COL25A1: variants seen among roughly 807,000 people sequenced by gnomAD.
COL25A1 encodes the protein collagen alpha-1(XXV) chain.
Under a neutral mutation model 128.4 loss-of-function variants are expected in COL25A1, and 103 were observed. The ratio of observed to expected loss-of-function variants is 0.80; its 90% CI spans 0.68 to 0.94. COL25A1 has a LOEUF of 0.94. COL25A1 is among the 40% of genes least tolerant of loss of function. COL25A1 has a pLI of 0.00. For missense variants in COL25A1, 745 were observed against 840.0 expected (o/e 0.89, Z 1.40); for synonymous variants, 279 against 277.2 (o/e 1.01, Z -0.06).
chr4:109,139,085 T>C (rs550497698), intron 3 of COL25A1, among the ~76,000 whole-genome samples: 20 of 152,332 alleles, frequency 1.3e-4, no homozygotes, highest in African/African-American at 4.6e-4. Flanking sequence ...ATGAGCTTTT[T>C]TTCATATGTC....
intron 3 of COL25A1, among the ~76,000 whole-genome samples, chr4:109,060,698 A>C (rs144426036): frequency 7.9e-5 from 12 of 152,034 alleles, no homozygotes; most frequent in Admixed American, 4.6e-4. Context: ...AAAAAAAAAA[A>C]AACAAAAAAA....
At chr4:108,842,280 A>G (rs1167756185) in intron 30 of COL25A1, among the ~76,000 whole-genome samples, 2 of 152,224 alleles carry the variant, frequency 1.3e-5, no homozygotes, top group African/African-American at 4.8e-5. Context: ...ATTATGTAGG[A>G]AAGCTAAGCA....
intron 3 of COL25A1, among the ~76,000 whole-genome samples, chr4:109,194,059 T>G (rs1775824547): frequency 1.3e-5 from 2 of 152,200 alleles, no homozygotes. Flanking sequence ...TTTTAAGCAC[T>G]AACATGAGCA....
In COL25A1 at chr4:109,048,179, T is replaced by C; in HGVS notation, c.413-4A>G. On this transcript the variant is annotated splice_polypyrimidine_tract_variant and splice_region_variant and intron_variant, in intron 4 of 37. Coordinates refer to ENST00000399132, the MANE Select transcript of COL25A1 (RefSeq NM_198721.4). The stretch of plus-strand genomic sequence containing the variant: ...GCAAACATACTTACAGGAGGACCTA[T>C]GGGGGGAGCAGGTGGAGAGAGAAGA... 4 of 1,612,274 alleles carry C rather than the reference T, an allele frequency of 2.5e-6. No homozygotes were observed. The highest frequency in any genetic ancestry group is 2.5e-6 in the Non-Finnish European group (3 of 1,178,562).
At chr4:109,105,692 C>T (rs1473114153) in intron 3 of COL25A1, among the ~76,000 whole-genome samples, 1 of 152,050 alleles carries the variant, frequency 6.6e-6, no homozygotes, top group Non-Finnish European at 1.5e-5. Context: ...ATGCCATTTT[C>T]CTGGTTTTAA....
Position 108,812,073 on chromosome 4 carries a change from G to A in COL25A1, c.*1854C>T, listed in dbSNP as rs1388389507. 2.6e-5 allele frequency: 4 copies of A among 152,160 alleles called. No individual in the cohort carries two copies. The highest frequency in any genetic ancestry group is 5.9e-5 in the Non-Finnish European group (4 of 68,010). The allele number at this position is 152,160 out of a possible 1,614,324, so 9.4% of individuals were successfully genotyped here. On this transcript the variant is annotated 3_prime_UTR_variant, in exon 38 of 38. Coordinates refer to ENST00000399132, the MANE Select transcript of COL25A1 (RefSeq NM_198721.4). ...GCTGAAAGGGTGCCTACTCCTCATTGATAATGTTTCTTTCAATGTAACACT... is the reference window on the plus strand; with the variant it reads ...GCTGAAAGGGTGCCTACTCCTCATTAATAATGTTTCTTTCAATGTAACACT...
At chr4:108,962,205 T>G (rs1174432057) in intron 8 of COL25A1, among the ~76,000 whole-genome samples, 1 of 151,460 alleles carries the variant, frequency 6.6e-6, no homozygotes, top group East Asian at 2.0e-4. Context: ...CTTTTTTTTT[T>G]GAGACGGAGT....
At position 109,232,591 on chromosome 4, in the gene COL25A1, C is replaced by A. The variant is rs184801834; in HGVS notation, c.367+67992G>T. ...ATAATTTCCTAATGTAAGCTGCATT[C>A]TCCTTTACAACACAAAATATATCCA... is the stretch of plus-strand genomic sequence containing the variant. On this transcript the variant is annotated intron_variant, in intron 3 of 37. Transcript: ENST00000399132. Among the ~76,000 whole-genome samples, 12 of 152,294 alleles carry A rather than the reference C, an allele frequency of 7.9e-5. No homozygotes were observed. In the East Asian group the frequency reaches 1.9e-3, roughly 24 times the overall value.
rs141804584 is a variant in COL25A1, at chr4:109,075,716, T to G, written c.368-25537A>C. Among the ~76,000 whole-genome samples the G allele has an allele frequency of 2.1e-3, 325 of 152,290 alleles. 3 individuals carry two copies. Among genetic ancestry groups the G allele is most frequent in the African/African-American group, 7.2e-3 (300 of 41,568 alleles). On this transcript the variant is annotated intron_variant, in intron 3 of 37. Transcript: ENST00000399132. ...AGAATTTTATGCCTTTCACTTCCTGTGTATATTTTACCCACCATATAGTCC... is the reference window on the plus strand; with the variant it reads ...AGAATTTTATGCCTTTCACTTCCTGGGTATATTTTACCCACCATATAGTCC...
chr4:109,135,107 C>A (rs1332638823), intron 3 of COL25A1, among the ~76,000 whole-genome samples: 1 of 149,024 alleles, frequency 6.7e-6, no homozygotes, highest in Non-Finnish European at 1.5e-5. Context: ...AGGTGGTGAT[C>A]AAGTGTGAAC....
At chr4:109,243,843 A>T (rs1000473951) in intron 3 of COL25A1, among the ~76,000 whole-genome samples, 2 of 152,156 alleles carry the variant, frequency 1.3e-5, no homozygotes, top group African/African-American at 2.4e-5. Context: ...AGGTCAGAGG[A>T]TAAATTCTTT....
intron 3 of COL25A1, among the ~76,000 whole-genome samples, chr4:109,187,135 C>A (rs1404943212): frequency 6.6e-6 from 1 of 151,212 alleles, no homozygotes; most frequent in East Asian, 1.9e-4. Flanking sequence ...TATTGTCATG[C>A]GATTATACCT....
chr4:108,826,234 T>C (rs1350849228), intron 33 of COL25A1, among the ~76,000 whole-genome samples: 1 of 152,108 alleles, frequency 6.6e-6, no homozygotes, highest in Non-Finnish European at 1.5e-5. Flanking sequence ...CAATTTGAAT[T>C]CTGTGTAATT....
At chr4:109,184,583 A>G (rs910768778) in intron 3 of COL25A1, among the ~76,000 whole-genome samples, 11 of 152,174 alleles carry the variant, frequency 7.2e-5, no homozygotes, top group Admixed American at 3.9e-4. Flanking sequence ...CACAGTCTGA[A>G]AGAACTTCAA....
intron 3 of COL25A1, among the ~76,000 whole-genome samples, chr4:109,161,842 T>C (rs1772609502): frequency 6.6e-6 from 1 of 152,192 alleles, no homozygotes; most frequent in Non-Finnish European, 1.5e-5. Flanking sequence ...GTGCCTGAGA[T>C]TCCCGGACCA....
intron 6 of COL25A1, among the ~76,000 whole-genome samples, chr4:108,981,490 T>TTG (rs961557783): frequency 2.0e-5 from 3 of 152,152 alleles, no homozygotes; most frequent in Admixed American, 6.6e-5. Flanking sequence ...TATAGATAAA[T>TTG]TGTGTGTGTG....
At chr4:108,878,726 C>G (rs1040161201) in intron 19 of COL25A1, among the ~76,000 whole-genome samples, 1 of 151,978 alleles carries the variant, frequency 6.6e-6, no homozygotes, top group Non-Finnish European at 1.5e-5. Context: ...AGAAAACATA[C>G]CTTTCTGACT....
At chr4:109,019,060 A>G (rs916176390) in intron 5 of COL25A1, among the ~76,000 whole-genome samples, 1 of 152,098 alleles carries the variant, frequency 6.6e-6, no homozygotes, top group Non-Finnish European at 1.5e-5. Flanking sequence ...GCCAAAAGAG[A>G]ATAACATTTG....
At chr4:109,283,851 C>T (rs1723616963) in intron 3 of COL25A1, among the ~76,000 whole-genome samples, 1 of 152,294 alleles carries the variant, frequency 6.6e-6, no homozygotes, top group South Asian at 2.1e-4. Flanking sequence ...TAAAGTTCTG[C>T]AAACCTCCAA....
Sources: gnomAD v4.1 joint callset for allele counts (sites outside exome capture counted in the v4.1 genomes callset) on GRCh38, gnomAD v4.1.1 for gene constraint, MANE v1.5 for transcripts, NCBI Gene and HGNC (gene_info 2026-07-23, HGNC 2026-07-21) for gene names.